ZC3H3: variants seen among roughly 807,000 people sequenced by gnomAD.
ZC3H3 encodes zinc finger CCCH domain-containing protein 3.
Under a neutral mutation model 77.3 loss-of-function variants are expected in ZC3H3, and 36 were observed. The observed-to-expected ratio is 0.47, with a 90% CI of 0.36 to 0.61. The LOEUF is 0.61. Ranked by LOEUF, ZC3H3 falls within the 20% of genes least tolerant of loss-of-function variation. The pLI is 0.00. For synonymous variants in ZC3H3, 626 were observed against 555.2 expected (o/e 1.13, Z -1.79); for missense variants, 1,331 against 1,312.2 (o/e 1.01, Z -0.22).
intron 9 of ZC3H3, among the ~76,000 whole-genome samples, chr8:143,454,027 G>C (rs1820051771): frequency 6.6e-6 from 1 of 151,874 alleles, no homozygotes; most frequent in African/African-American, 2.4e-5. Flanking sequence ...GTCAACTGTG[G>C]TCCAAAAATA....
intron 4 of ZC3H3, among the ~76,000 whole-genome samples, chr8:143,483,882 A>G (rs967008505): frequency 9.9e-5 from 15 of 152,222 alleles, no homozygotes; most frequent in African/African-American, 3.1e-4. Context: ...CACCATGGCC[A>G]GATGGGCTCT....
chr8:143,479,083 T>C (rs560547823), intron 4 of ZC3H3, among the ~76,000 whole-genome samples: 1 of 152,320 alleles, frequency 6.6e-6, no homozygotes, highest in East Asian at 1.9e-4. Flanking sequence ...TCAGCACACC[T>C]AGCCCAAGAG....
chr8:143,506,593 G>A (rs768207659), intron 4 of ZC3H3, among the ~76,000 whole-genome samples: 4 of 152,132 alleles, frequency 2.6e-5, no homozygotes, highest in Admixed American at 6.5e-5. Context: ...AATAGCCCCC[G>A]AGATGCTTAT....
At chr8:143,491,903 T>C (rs1375721427) in intron 4 of ZC3H3, among the ~76,000 whole-genome samples, 1 of 152,090 alleles carries the variant, frequency 6.6e-6, no homozygotes, top group African/African-American at 2.4e-5. Context: ...CCTTTTGGCC[T>C]CCCTCTTTGC....
At chr8:143,506,212 C>T (rs1821689144) in intron 4 of ZC3H3, among the ~76,000 whole-genome samples, 1 of 152,230 alleles carries the variant, frequency 6.6e-6, no homozygotes, top group African/African-American at 2.4e-5. Flanking sequence ...AAGGAGAGGC[C>T]CTGCTGGGTC....
intron 3 of ZC3H3, among the ~76,000 whole-genome samples, chr8:143,515,230 T>C (rs1179120586): frequency 6.6e-6 from 1 of 152,232 alleles, no homozygotes; most frequent in Non-Finnish European, 1.5e-5. Context: ...GCTGCTTTTC[T>C]CATCTAGACA....
intron 9 of ZC3H3, among the ~76,000 whole-genome samples, chr8:143,448,814 A>C (rs950626243): frequency 6.6e-6 from 1 of 152,248 alleles, no homozygotes; most frequent in Non-Finnish European, 1.5e-5. Context: ...GAAGTTCTCT[A>C]TGAGGGCTTG....
At chr8:143,503,611 AGCCG>A (rs1821597097) in intron 4 of ZC3H3, among the ~76,000 whole-genome samples, 1 of 105,210 alleles carries the variant, frequency 9.5e-6, no homozygotes, top group Non-Finnish European at 1.9e-5. Flanking sequence ...CCCAGCACCC[AGCCG>A]GCTCCACCAC....
At position 143,440,977 on chromosome 8, in the gene ZC3H3, G is replaced by A. The variant is rs370044558; in HGVS notation, c.2451C>T (p.Asp817=). ...AATSPAPGPS[D]ATARSRVSAS... is the part of the protein sequence containing the mutation. The stretch of plus-strand genomic sequence containing the variant: ...CCGAGACCCTGCTCCTGGCGGTTGC[G>A]TCGCTGGGCCCTGGGGCGGGGGACG... Residue 817 remains aspartate, a synonymous_variant, in exon 10 of 12, where the codon GAC becomes GAT. Transcript: ENST00000262577. 41 of 1,451,742 alleles carry A rather than the reference G, an allele frequency of 2.8e-5. No homozygotes were observed. Among genetic ancestry groups the A allele is most frequent in the Non-Finnish European group, 3.3e-5 (37 of 1,107,950 alleles). The allele number at this position is 1,451,742 out of a possible 1,614,324, so 89.9% of individuals were successfully genotyped here.
intron 4 of ZC3H3, among the ~76,000 whole-genome samples, chr8:143,482,767 C>T (rs73715619): frequency 0.018 from 2,798 of 152,276 alleles, 78 homozygotes; most frequent in African/African-American, 0.063. Context: ...CTGCTACGGA[C>T]GTGACACAGG....
chr8:143,537,098 G>A (rs931845727), intron 2 of ZC3H3, among the ~76,000 whole-genome samples: 4 of 152,124 alleles, frequency 2.6e-5, no homozygotes, highest in East Asian at 1.9e-4. Context: ...CAGGACCCCC[G>A]CCCTCTGCCC....
In ZC3H3 at chr8:143,518,803, G is replaced by A. The variant is rs562326451; in HGVS notation, c.1562-10904C>T. ...ATACAAACGTGCAACTGGGGACCCT[G>A]AGAAGGCAGCAAAGGAATCCCTGCC... is the stretch of plus-strand genomic sequence containing the variant. On this transcript the variant is annotated intron_variant, in intron 3 of 11. Transcript: ENST00000262577. Among the ~76,000 whole-genome samples, 8 of 152,364 alleles carry A rather than the reference G, an allele frequency of 5.3e-5. No homozygotes were observed. In the South Asian group the frequency reaches 1.4e-3, roughly 28 times the overall value.
At chr8:143,484,476 A>T (rs1820995930) in intron 4 of ZC3H3, 1 of 155,750 alleles carries the variant, frequency 6.4e-6, no homozygotes, top group African/African-American at 2.4e-5. Context: ...AGCCTAATAA[A>T]CAACAAGATG....
chr8:143,487,032 C>T (rs1457366669), intron 4 of ZC3H3, among the ~76,000 whole-genome samples: 1 of 21,914 alleles, frequency 4.6e-5, no homozygotes, highest in Non-Finnish European at 7.9e-5. Flanking sequence ...CGCTACACGA[C>T]CCCACCACCA....
At chr8:143,469,847 G>C (rs1253794685) in intron 5 of ZC3H3, among the ~76,000 whole-genome samples, 1 of 152,212 alleles carries the variant, frequency 6.6e-6, no homozygotes, top group African/African-American at 2.4e-5. Flanking sequence ...ATCCTTCCCA[G>C]ACCAGATCCA....
At chr8:143,481,292 G>T (rs916309760) in intron 4 of ZC3H3, among the ~76,000 whole-genome samples, 13 of 152,180 alleles carry the variant, frequency 8.5e-5, no homozygotes, top group African/African-American at 3.1e-4. Flanking sequence ...CTGGAGGAGA[G>T]CTGCTGATGG....
At chr8:143,536,149 G>A in intron 3 of ZC3H3, 108 bp downstream of exon 3, 1 of 1,338,644 alleles carries the variant, frequency 7.5e-7, no homozygotes, top group Non-Finnish European at 1.0e-6. Context: ...TCCCAGCCAG[G>A]GCCTCTACCA....
intron 11 of ZC3H3, among the ~76,000 whole-genome samples, chr8:143,438,363 C>G (rs1465132955): frequency 2.0e-5 from 3 of 151,988 alleles, no homozygotes; most frequent in African/African-American, 7.3e-5. Context: ...AGGCTTCTGC[C>G]TACAGTCCAG....
At chr8:143,446,231 G>T (rs1200344993) in intron 9 of ZC3H3, among the ~76,000 whole-genome samples, 3 of 152,180 alleles carry the variant, frequency 2.0e-5, no homozygotes. Context: ...AATATTTAGA[G>T]GCAACTGAGC....
Sources: allele counts gnomAD v4.1 joint callset (sites outside exome capture counted in the v4.1 genomes callset), GRCh38; gene constraint gnomAD v4.1.1; transcripts MANE v1.5; gene names NCBI Gene and HGNC (gene_info 2026-07-23, HGNC 2026-07-21).